ENAH: variants seen among roughly 807,000 people sequenced by gnomAD.
ENAH encodes the protein ENAH actin regulator, also known as protein enabled homolog.
A neutral mutation model predicts 78.7 loss-of-function variants in ENAH; 23 were observed. The ratio of observed to expected loss-of-function variants is 0.29; its 90% CI spans 0.21 to 0.41. The LOEUF (loss-of-function observed/expected upper bound fraction) is 0.41. Among genes scored for constraint, ENAH ranks in the 10% least tolerant of loss-of-function variants. ENAH has a pLI of 1.00. For missense variants in ENAH, 544 were observed against 691.0 expected (o/e 0.79, Z 2.39); for synonymous variants, 226 against 241.0 (o/e 0.94, Z 0.58).
At chr1:225,631,424 A>T (rs1432771241) in intron 1 of ENAH, among the ~76,000 whole-genome samples, 2 of 151,828 alleles carry the variant, frequency 1.3e-5, no homozygotes, top group Middle Eastern at 3.4e-3. Flanking sequence ...AAAAAAAAAA[A>T]TTGGCTGGAC....
chr1:225,514,810 C>G lies in ENAH; in HGVS notation c.1004G>C (p.Gly335Ala). ...QASVALPPPP[G>A]PPPPPPLPST... ...TGGGAGTGGAGGAGGTGGAGGGGGC[C>G]CTGGGGGAGGAGGGAGGGCTACTGA... The change falls in exon 7 of 14, where the codon GGG becomes GCG. Residue 335 changes from glycine (G) to alanine (A), a missense_variant. Gly to Ala is a moderately conservative substitution (Grantham distance 60). This residue lies in a region of ENAH where 366 missense variants were observed against 396.1 expected (regional missense o/e 0.92). Coordinates refer to ENST00000366843, the MANE Select transcript of ENAH (RefSeq NM_018212.6). 7.2e-7 allele frequency: 1 copy of G among 1,388,186 alleles called. No individual in the cohort carries two copies. The highest frequency in any genetic ancestry group is 2.4e-4 in the Middle Eastern group (1 of 4,214). The allele number at this position is 1,388,186 out of a possible 1,614,324, so 86.0% of individuals were successfully genotyped here.
intron 1 of ENAH, among the ~76,000 whole-genome samples, chr1:225,570,796 T>C (rs1374789577): frequency 6.7e-6 from 1 of 150,156 alleles, no homozygotes; most frequent in Non-Finnish European, 1.5e-5. Flanking sequence ...CTGTCTCTAC[T>C]AAAAATGCAA....
At chr1:225,574,280 T>C (rs2096776947) in intron 1 of ENAH, among the ~76,000 whole-genome samples, 1 of 152,070 alleles carries the variant, frequency 6.6e-6, no homozygotes, top group Admixed American at 6.5e-5. Context: ...TGGCATATAG[T>C]AAAAGTGGGC....
At chr1:225,541,011 G>A (rs912339923) in intron 3 of ENAH, among the ~76,000 whole-genome samples, 1 of 152,088 alleles carries the variant, frequency 6.6e-6, no homozygotes, top group Non-Finnish European at 1.5e-5. Context: ...TATATAAAAC[G>A]TCAAGAACTG....
chr1:225,550,433 C>T (rs1269143122), intron 3 of ENAH, among the ~76,000 whole-genome samples: 1 of 152,106 alleles, frequency 6.6e-6, no homozygotes, highest in Non-Finnish European at 1.5e-5. Context: ...AAAAAATACG[C>T]TTTACTGAAA....
At chr1:225,524,582 C>T (rs1024662034) in intron 4 of ENAH, 2 of 984,948 alleles carry the variant, frequency 2.0e-6, no homozygotes, top group Non-Finnish European at 2.4e-6. Flanking sequence ...GCCGCTGAGG[C>T]AAGAGTTGAT....
At position 225,493,865 on chromosome 1, in the gene ENAH, T is replaced by G. The variant is rs570864704; in HGVS notation, c.*3910A>C. On this transcript the variant is annotated 3_prime_UTR_variant, in exon 14 of 14. Coordinates refer to ENST00000366843, the MANE Select transcript of ENAH (RefSeq NM_018212.6). ...ACTGTGCTTCATAGGGTAATACTAC[T>G]TAGAATTAAAAGGCCAATTCTTCAC... 6.6e-6 allele frequency: 1 copy of G among 152,098 alleles called. No homozygotes were observed. Among genetic ancestry groups the G allele is most frequent in the Non-Finnish European group, 1.5e-5 (1 of 67,994 alleles). 9.4% of individuals were successfully genotyped at this position (152,098 alleles called of 1,614,324 possible).
At chr1:225,645,412 C>T (rs1321469763) in intron 1 of ENAH, among the ~76,000 whole-genome samples, 2 of 152,184 alleles carry the variant, frequency 1.3e-5, no homozygotes, top group African/African-American at 4.8e-5. Context: ...TATGGACATA[C>T]CACATTTTGA....
rs1276029716 is a variant in ENAH at position 225,506,561 on chromosome 1, T to TCC, written c.1538+1389_1538+1390insGG. 1.4e-4 allele frequency among the ~76,000 whole-genome samples: 22 copies of TCC among 152,342 alleles called. No individual in the cohort carries two copies. In the East Asian group the frequency reaches 4.0e-3, roughly 28 times the overall value. The stretch of plus-strand genomic sequence containing the variant: ...GAAGAAAATCCGTAACTAGTAGAGA[T>TCC]GTGTTAGAAGGCCATCTCAGTTAGG... On this transcript the variant is annotated intron_variant, in intron 11 of 13. Transcript: ENST00000366843.
chr1:225,557,183 G>A (rs1451505063), intron 2 of ENAH, among the ~76,000 whole-genome samples: 2 of 152,126 alleles, frequency 1.3e-5, no homozygotes, highest in African/African-American at 4.8e-5. Context: ...GGGACTTTGA[G>A]GTTGCATGAA....
At chr1:225,645,070 T>C (rs1003316121) in intron 1 of ENAH, among the ~76,000 whole-genome samples, 1 of 152,172 alleles carries the variant, frequency 6.6e-6, no homozygotes, top group Non-Finnish European at 1.5e-5. Flanking sequence ...ACTACCAAGG[T>C]TTCCACCTCA....
chr1:225,508,997 C>G (rs1403957761), intron 10 of ENAH, among the ~76,000 whole-genome samples: 1 of 152,184 alleles, frequency 6.6e-6, no homozygotes, highest in Non-Finnish European at 1.5e-5. Context: ...TTTCTTGTTG[C>G]ATGAAGGCAT....
At chr1:225,500,011 C>T (rs759145542) in intron 12 of ENAH, among the ~76,000 whole-genome samples, 69 of 152,310 alleles carry the variant, frequency 4.5e-4, no homozygotes, top group Non-Finnish European at 8.7e-4. Context: ...CAAATCTATT[C>T]CTGTTATCCT....
chr1:225,512,603 G>C (rs1212620175), intron 9 of ENAH, 54 bp downstream of exon 9: 8 of 1,520,244 alleles, frequency 5.3e-6, no homozygotes, highest in East Asian at 2.3e-5. Flanking sequence ...TCCTGAATGA[G>C]CTGTGCCTGA....
chr1:225,593,410 GGGGGGGGT>G (rs1558874110), intron 1 of ENAH, among the ~76,000 whole-genome samples: 4 of 120,476 alleles, frequency 3.3e-5, no homozygotes, highest in African/African-American at 6.0e-5. Flanking sequence ...TGGGGGGGGG[GGGGGGGGT>G]GGGGGGTGCC....
chr1:225,642,441 G>A (rs1014610158), intron 1 of ENAH, among the ~76,000 whole-genome samples: 8 of 152,062 alleles, frequency 5.3e-5, no homozygotes, highest in Non-Finnish European at 8.8e-5. Flanking sequence ...TTAAGTGAGC[G>A]ATGAGGCAGA....
At chr1:225,597,226 T>C (rs2096905924) in intron 1 of ENAH, among the ~76,000 whole-genome samples, 2 of 152,168 alleles carry the variant, frequency 1.3e-5, no homozygotes, top group African/African-American at 4.8e-5. Flanking sequence ...ATCATGAGTC[T>C]CCATGTTTCA....
chr1:225,621,966 T>C (rs983473922), intron 1 of ENAH, among the ~76,000 whole-genome samples: 1 of 152,166 alleles, frequency 6.6e-6, no homozygotes, highest in Admixed American at 6.5e-5. Context: ...TATCTCTCAC[T>C]TCAAAAGAAG....
rs1231363273 is a variant in ENAH at position 225,494,826 on chromosome 1, A to G, written c.*2949T>C. On this transcript the variant is annotated 3_prime_UTR_variant, in exon 14 of 14. Coordinates refer to ENST00000366843, the MANE Select transcript of ENAH (RefSeq NM_018212.6). ...CAAACAAGCAACATATATATACTGC[A>G]ATTTTATTTCAATCGCACAAACGAA... 1 of 152,666 alleles carries G rather than the reference A, an allele frequency of 6.6e-6. No homozygotes were observed. The highest frequency in any genetic ancestry group is 1.9e-4 in the East Asian group (1 of 5,204). The allele number at this position is 152,666 out of a possible 1,614,324, so 9.5% of individuals were successfully genotyped here. A position where few individuals can be genotyped will look rare whatever the true frequency, so the allele number is the denominator to read the frequency against.
Sources: gnomAD v4.1 joint callset for allele counts (sites outside exome capture counted in the v4.1 genomes callset) on GRCh38, gnomAD v4.1.1 for gene constraint, gnomAD v4.1.1 regional missense constraint, MANE v1.5 for transcripts, NCBI Gene and HGNC (gene_info 2026-07-23, HGNC 2026-07-21) for gene names.